Variants in EIF3H observed in about 807,000 individuals in gnomAD.
EIF3H encodes the protein eIF-3-gamma.
EIF3H carries 26 observed loss-of-function variants against 44.2 expected under a neutral mutation model. The observed-to-expected ratio is 0.59, with a 90% CI of 0.43 to 0.82. EIF3H has a LOEUF of 0.82. Among genes scored for constraint, EIF3H ranks in the 40% least tolerant of loss-of-function variants. The probability of loss-of-function intolerance (pLI) is 0.00; values close to 1 mark genes in which losing one functional copy is unlikely to be tolerated. For synonymous variants in EIF3H, 166 were observed against 151.9 expected (o/e 1.09, Z -0.68); for missense variants, 359 against 432.8 (o/e 0.83, Z 1.51).
At chr8:116,764,710 G>C (rs569565270) in intron 1 of EIF3H, among the ~76,000 whole-genome samples, 1 of 152,184 alleles carries the variant, frequency 6.6e-6, no homozygotes. Context: ...GCAGAGACAG[G>C]GGCTCCCTAT....
chr8:116,648,664 A>T, intron 6 of EIF3H, 142 bp downstream of exon 6: 1 of 1,056,342 alleles, frequency 9.5e-7, no homozygotes, highest in Non-Finnish European at 1.2e-6. Context: ...ATGCCATAAA[A>T]ATAATAATCT....
chr8:116,647,436 T>C lies in EIF3H; in HGVS notation c.829-833A>G, dbSNP rs910833421. On this transcript the variant is annotated intron_variant, in intron 6 of 7. Coordinates refer to ENST00000521861, the MANE Select transcript of EIF3H (RefSeq NM_003756.3). ...TTCTTAACAGATAATTGTCTGTACC[T>C]TAGCTCTATAACTAAAGATGGATAA... Among the ~76,000 whole-genome samples the C allele has an allele frequency of 3.3e-5, 5 of 152,224 alleles. No homozygotes were observed. The South Asian group carries it at 1.0e-3, about 32-fold the overall frequency.
At chr8:116,654,907 C>CT (rs11403704) in intron 5 of EIF3H, among the ~76,000 whole-genome samples, 80,894 of 148,486 alleles carry the variant, frequency 0.54, 23,535 homozygotes, top group Non-Finnish European at 0.67. Flanking sequence ...AGTCTGTACA[C>CT]TTTTTTTTTT....
Position 116,642,322 on chromosome 8 carries a change from C to G in EIF3H, c.*2684G>C, listed in dbSNP as rs950451423. On this transcript the variant is annotated 3_prime_UTR_variant, in exon 8 of 8. Coordinates refer to ENST00000521861, the MANE Select transcript of EIF3H (RefSeq NM_003756.3). ...AATAATATTTTAGAAGACATTAAAACTTAAATATTTAGATGCTGTATATGA... is the reference window on the plus strand; with the variant it reads ...AATAATATTTTAGAAGACATTAAAAGTTAAATATTTAGATGCTGTATATGA... 1 of 152,072 alleles carries G rather than the reference C, an allele frequency of 6.6e-6. No individual in the cohort carries two copies. The highest frequency in any genetic ancestry group is 1.5e-5 in the Non-Finnish European group (1 of 68,018). The allele number at this position is 152,072 out of a possible 1,614,324, so 9.4% of individuals were successfully genotyped here.
chr8:116,749,257 T>C (rs943010738), intron 1 of EIF3H, among the ~76,000 whole-genome samples: 15 of 152,172 alleles, frequency 9.9e-5, no homozygotes, highest in Non-Finnish European at 1.0e-4. Flanking sequence ...AGTAAATCAC[T>C]AACAGTATGG....
At chr8:116,693,087 A>G (rs1314303356) in intron 2 of EIF3H, among the ~76,000 whole-genome samples, 1 of 152,232 alleles carries the variant, frequency 6.6e-6, no homozygotes, top group Non-Finnish European at 1.5e-5. Flanking sequence ...ATAATTAAAT[A>G]AAAATGTTAT....
intron 2 of EIF3H, among the ~76,000 whole-genome samples, chr8:116,698,383 C>T (rs1471815507): frequency 6.6e-6 from 1 of 152,162 alleles, no homozygotes; most frequent in South Asian, 2.1e-4. Context: ...AATTACCCCT[C>T]TCCTCAGTAG....
intron 2 of EIF3H, among the ~76,000 whole-genome samples, chr8:116,721,789 C>T (rs1814751071): frequency 6.6e-6 from 1 of 152,246 alleles, no homozygotes; most frequent in African/African-American, 2.4e-5. Context: ...CCTTCAGCCC[C>T]TTCATTTTGG....
chr8:116,684,789 TA>T (rs1484494945), intron 2 of EIF3H, among the ~76,000 whole-genome samples: 4 of 152,204 alleles, frequency 2.6e-5, no homozygotes, highest in African/African-American at 9.6e-5. Context: ...ACAGTGTTTA[TA>T]AATCAACATC....
intron 1 of EIF3H, among the ~76,000 whole-genome samples, chr8:116,754,075 G>A (rs534107484): frequency 6.6e-6 from 1 of 151,944 alleles, no homozygotes; most frequent in Non-Finnish European, 1.5e-5. Context: ...CATGAGCCAG[G>A]GAAAGCCACA....
intron 2 of EIF3H, among the ~76,000 whole-genome samples, chr8:116,665,875 A>G (rs961379793): frequency 3.9e-5 from 6 of 152,362 alleles, no homozygotes; most frequent in African/African-American, 1.4e-4. Context: ...AGGCAAACAG[A>G]ATGTGCATTT....
At chr8:116,682,988 AC>A (rs1168933983) in intron 2 of EIF3H, among the ~76,000 whole-genome samples, 1 of 152,220 alleles carries the variant, frequency 6.6e-6, no homozygotes, top group Non-Finnish European at 1.5e-5. Context: ...ATCTCAGGCT[AC>A]CTACCACCTA....
At chr8:116,658,703 G>T in intron 3 of EIF3H, 110 bp downstream of exon 3, 1 of 1,034,004 alleles carries the variant, frequency 9.7e-7, no homozygotes, top group Non-Finnish European at 1.4e-6. Context: ...AACAGGGTTG[G>T]TATTTACTTG....
At chr8:116,722,270 G>A (rs1563652982) in intron 2 of EIF3H, among the ~76,000 whole-genome samples, 1 of 152,174 alleles carries the variant, frequency 6.6e-6, no homozygotes, top group Non-Finnish European at 1.5e-5. Flanking sequence ...CTGCCACCAA[G>A]TAAGACGTGC....
At chr8:116,689,801 A>G (rs1814141944) in intron 2 of EIF3H, among the ~76,000 whole-genome samples, 1 of 152,206 alleles carries the variant, frequency 6.6e-6, no homozygotes, top group Non-Finnish European at 1.5e-5. Flanking sequence ...AAAAACTCAA[A>G]TGTAGTCAGA....
intron 2 of EIF3H, among the ~76,000 whole-genome samples, chr8:116,724,592 A>ATC (rs1312268947): frequency 6.6e-6 from 1 of 152,144 alleles, no homozygotes; most frequent in Non-Finnish European, 1.5e-5. Flanking sequence ...CTTCAACTCA[A>ATC]CAGGAAAAAA....
upstream of EIF3H, among the ~76,000 whole-genome samples, chr8:116,758,697 TAAAAC>T (rs1372245901): frequency 3.3e-5 from 5 of 152,172 alleles, no homozygotes; most frequent in Non-Finnish European, 5.9e-5. Flanking sequence ...AAGAAGGAAT[TAAAAC>T]ATAGGATAAC....
At chr8:116,700,146 T>C (rs1008115415) in intron 2 of EIF3H, among the ~76,000 whole-genome samples, 13 of 152,182 alleles carry the variant, frequency 8.5e-5, no homozygotes, top group African/African-American at 1.9e-4. Flanking sequence ...AACAATAAAA[T>C]AGAAGACAGT....
chr8:116,650,282 GAAGGTA>G (rs1707845676), intron 5 of EIF3H, among the ~76,000 whole-genome samples: 1 of 152,158 alleles, frequency 6.6e-6, no homozygotes, highest in Non-Finnish European at 1.5e-5. Flanking sequence ...CACTGGGAGG[GAAGGTA>G]AAGTGATACA....
Sources: gnomAD v4.1 joint callset for allele counts (sites outside exome capture counted in the v4.1 genomes callset) on GRCh38, gnomAD v4.1.1 for gene constraint, MANE v1.5 for transcripts, NCBI Gene and HGNC (gene_info 2026-07-23, HGNC 2026-07-21) for gene names.